The following SOX15 variants were observed in gnomAD, a reference collection of about 807,000 sequenced individuals.
SOX15 encodes the protein transcription factor SOX-15.
In SOX15, 12 loss-of-function variants were observed where a neutral mutation model predicts 15.9. That is an observed-to-expected ratio of 0.75 (90% confidence interval 0.48 to 1.22). The LOEUF is 1.22. SOX15 is among the 50% of genes most tolerant of loss of function. SOX15 has a pLI of 0.00. For synonymous variants in SOX15, 149 were observed against 142.8 expected (o/e 1.04, Z -0.31); for missense variants, 309 against 313.9 (o/e 0.98, Z 0.12).
Position 7,589,218 on chromosome 17 carries a change from C to T in SOX15, c.459G>A (p.Ala153=). ...CAAAGCCTCTGCTCGGTTGGGTGGT[C>T]GCGTACCCCGGCCCCCAGAGCGGGC... ...SGGPLWGPGY[A]TTQPSRGFGY... The change falls in exon 1 of 2, where the codon GCG becomes GCA. Residue 153 remains alanine, a synonymous_variant. Coordinates refer to ENST00000250055, the MANE Select transcript of SOX15 (RefSeq NM_006942.2). The T allele has an allele frequency of 5.2e-6, 8 of 1,541,526 alleles. No individual in the cohort carries two copies. Among genetic ancestry groups the T allele is most frequent in the Non-Finnish European group, 7.0e-6 (8 of 1,142,464 alleles).
At position 7,589,499 on chromosome 17, in the gene SOX15, T is replaced by C. The variant is rs1157864857; in HGVS notation, c.178A>G (p.Ser60Gly). The C allele has an allele frequency of 1.9e-6, 3 of 1,613,114 alleles. No individual in the cohort carries two copies. The highest frequency in any genetic ancestry group is 2.5e-6 in the Non-Finnish European group (3 of 1,179,750). Residue 60 changes from serine to glycine, a missense_variant, in exon 1 of 2, where the codon AGC (serine) becomes GGC (glycine). Ser to Gly is a moderately conservative substitution (Grantham distance 56). Transcript: ENST00000250055. The stretch of plus-strand genomic sequence containing the variant: ...GCCATCTGGCGGCGCTGAGCGGAGC[T>C]CCACACCATGAACGCGTTCATCGGC... ...KRPMNAFMVWSSAQRRQMAQQ... is the reference protein window; with the variant it reads ...KRPMNAFMVWGSAQRRQMAQQ...
At chr17:7,588,568 T>G in intron 1 of SOX15, 22 bp from the exon 2 acceptor site, 1 of 1,610,826 alleles carries the variant, frequency 6.2e-7, no homozygotes. Context: ...AACAAGAGGT[T>G]AGAGGGCACT....
In SOX15 at chr17:7,588,447, C is replaced by T; in HGVS notation, c.633G>A (p.Leu211=). 5 of 1,613,638 alleles carry T rather than the reference C, an allele frequency of 3.1e-6. No homozygotes were observed. Among genetic ancestry groups the T allele is most frequent in the Non-Finnish European group, 4.2e-6 (5 of 1,179,760 alleles). Residue 211 remains leucine (L), a synonymous_variant, in exon 2 of 2, where the codon CTG becomes CTA. Coordinates refer to ENST00000250055, the MANE Select transcript of SOX15 (RefSeq NM_006942.2). ...GELLPTYTHY[L]PPGSPTPYNP... Reference sequence around the variant, plus strand: ...TGTATGGAGTGGGAGAGCCAGGGGGCAGGTAGTGGGTATAGGTGGGCAGCA... The same window carrying T: ...TGTATGGAGTGGGAGAGCCAGGGGGTAGGTAGTGGGTATAGGTGGGCAGCA...
intron 1 of SOX15, 74 bp downstream of exon 1, chr17:7,589,070 G>C: frequency 1.5e-6 from 2 of 1,361,748 alleles, no homozygotes; most frequent in Non-Finnish European, 1.9e-6. Context: ...CCGTCCTCCG[G>C]CATCCGCCCC....
At position 7,589,144 on chromosome 17, in the gene SOX15, C is replaced by A; in HGVS notation, c.533G>T (p.Gly178Val). 1 of 1,485,354 alleles carries A rather than the reference C, an allele frequency of 6.7e-7. No homozygotes were observed. 92.0% of individuals were successfully genotyped at this position (1,485,354 alleles called of 1,614,324 possible). Residue 178 changes from glycine (G) to valine (V), a missense_variant and splice_region_variant, in exon 1 of 2, where the codon GGC becomes GTC. Physicochemically the swap from Gly to Val is moderately radical, Grantham distance 109 (BLOSUM62 -3). Transcript: ENST00000250055. Reference sequence around the variant, plus strand: ...TTCGGCCCGCTTCCCAGGCACTCACCCATAGCTGCCAGGCAGGTAGGCTGT... The same window carrying A: ...TTCGGCCCGCTTCCCAGGCACTCACACATAGCTGCCAGGCAGGTAGGCTGT... ...YSTAYLPGSY[G>V]SSHCKLEAPS...
Position 7,589,814 on chromosome 17 carries a change from C to G in SOX15, c.-138G>C, listed in dbSNP as rs1044594418. On this transcript the variant is annotated 5_prime_UTR_variant, in exon 1 of 2. Coordinates refer to ENST00000250055, the MANE Select transcript of SOX15 (RefSeq NM_006942.2). ...GTCCTTAAAAAGTGTATTTTATCCC[C>G]AAGCCCAGAGCTTAAACCGGAGCCT... The G allele has an allele frequency of 9.3e-6, 7 of 755,618 alleles. No individual in the cohort carries two copies. The highest frequency in any genetic ancestry group is 1.5e-5 in the Non-Finnish European group (7 of 481,224). The allele number at this position is 755,618 out of a possible 1,614,324, so 46.8% of individuals were successfully genotyped here.
chr17:7,588,558 A>C lies in SOX15; in HGVS notation c.534-12T>G, dbSNP rs201922212. The C allele has an allele frequency of 1.9e-6, 3 of 1,612,250 alleles. No homozygotes were observed. On this transcript the variant is annotated splice_polypyrimidine_tract_variant and intron_variant, in intron 1 of 1. Transcript: ENST00000250055. ...TGCAGTGGGAAGAGCTGCAGAGAGA[A>C]ACAAGAGGTTAGAGGGCACTTCCCT...
Position 7,589,330 on chromosome 17 carries a change from T to C in SOX15, c.347A>G (p.Tyr116Cys), listed in dbSNP as rs1200753752. The change falls in exon 1 of 2, where the codon TAC becomes TGC. Residue 116 changes from tyrosine (Y) to cysteine (C), a missense_variant. By Grantham distance (194) the Tyr-to-Cys change is radical (BLOSUM62 -2). Coordinates refer to ENST00000250055, the MANE Select transcript of SOX15 (RefSeq NM_006942.2). Reference sequence around the variant, plus strand: ...GGCCTTGCGCCGAGGCCGGTACTTGTAGTCGGGGTAGTCGCGCAGGTGTCG... The same window carrying C: ...GGCCTTGCGCCGAGGCCGGTACTTGCAGTCGGGGTAGTCGCGCAGGTGTCG... ...RARHLRDYPDYKYRPRRKAKS... is the reference protein window; with the variant it reads ...RARHLRDYPDCKYRPRRKAKS... 6.2e-7 allele frequency: 1 copy of C among 1,605,938 alleles called. No homozygotes were observed. Among genetic ancestry groups the C allele is most frequent in the Non-Finnish European group, 8.5e-7 (1 of 1,176,110 alleles).
chr17:7,588,311 G>T lies in SOX15; in HGVS notation c.*67C>A. 2 of 1,492,290 alleles carry T rather than the reference G, an allele frequency of 1.3e-6. No individual in the cohort carries two copies. Among genetic ancestry groups the T allele is most frequent in the Non-Finnish European group, 1.9e-6 (2 of 1,068,930 alleles). The allele number at this position is 1,492,290 out of a possible 1,614,324, so 92.4% of individuals were successfully genotyped here. ...CAGGAGAAAGGGTTGACAGCCTGGG[G>T]TAGGGGATGCTGCTGGATTAAAAAA... On this transcript the variant is annotated 3_prime_UTR_variant, in exon 2 of 2. Transcript: ENST00000250055.
In SOX15 at chr17:7,589,245, G is replaced by T; in HGVS notation, c.432C>A (p.Gly144=). ...CGQGRGNLAS[G]GPLWGPGYAT... The stretch of plus-strand genomic sequence containing the variant: ...CGTACCCCGGCCCCCAGAGCGGGCC[G>T]CCGCTGGCCAGGTTGCCTCTTCCCT... The change falls in exon 1 of 2, where the codon GGC becomes GGA. Residue 144 remains glycine (G), a synonymous_variant. Coordinates refer to ENST00000250055, the MANE Select transcript of SOX15 (RefSeq NM_006942.2). 1 of 1,548,626 alleles carries T rather than the reference G, an allele frequency of 6.5e-7. No homozygotes were observed.
intron 1 of SOX15, among the ~76,000 whole-genome samples, chr17:7,588,788 C>A (rs992801359): frequency 1.3e-5 from 2 of 152,140 alleles, no homozygotes; most frequent in African/African-American, 4.8e-5. Flanking sequence ...CAGGAAAGGG[C>A]AGAATGAGCT....
intron 1 of SOX15, 74 bp downstream of exon 1, chr17:7,589,070 G>A (rs117372143): frequency 0.07 from 95,269 of 1,361,180 alleles, 3,654 homozygotes; most frequent in South Asian, 0.11. Flanking sequence ...CCGTCCTCCG[G>A]CATCCGCCCC....
At chr17:7,588,999 G>A (rs2071628041) in intron 1 of SOX15, 145 bp downstream of exon 1, 1 of 695,504 alleles carries the variant, frequency 1.4e-6, no homozygotes. Context: ...ACAGGCCCCG[G>A]AGGTACTGGG....
At position 7,588,314 on chromosome 17, in the gene SOX15, G is replaced by A. The variant is rs1296189931; in HGVS notation, c.*64C>T. 6.6e-7 allele frequency: 1 copy of A among 1,511,324 alleles called. No individual in the cohort carries two copies. The allele number at this position is 1,511,324 out of a possible 1,614,324, so 93.6% of individuals were successfully genotyped here. A position where few individuals can be genotyped will look rare whatever the true frequency, so the allele number is the denominator to read the frequency against. On this transcript the variant is annotated 3_prime_UTR_variant, in exon 2 of 2. Transcript: ENST00000250055. ...GAGAAAGGGTTGACAGCCTGGGGTA[G>A]GGGATGCTGCTGGATTAAAAAAGGA... is the stretch of plus-strand genomic sequence containing the variant.
At position 7,589,573 on chromosome 17, in the gene SOX15, G is replaced by A. The variant is rs747573840; in HGVS notation, c.104C>T (p.Ala35Val). 4 of 1,583,960 alleles carry A rather than the reference G, an allele frequency of 2.5e-6. No homozygotes were observed. The highest frequency in any genetic ancestry group is 3.4e-6 in the Non-Finnish European group (4 of 1,167,418). Residue 35 changes from alanine to valine, a missense_variant, in exon 1 of 2, where the codon GCT (alanine) becomes GTT (valine). By Grantham distance (64) the Ala-to-Val change is moderately conservative. Coordinates refer to ENST00000250055, the MANE Select transcript of SOX15 (RefSeq NM_006942.2). ...CGTCCCGGGGGCCGCGGGGCTCCCA[G>A]CGCCCTCCCGCTCCTGGGGTCCCGA... ...SSSGPQEREGAGSPAAPGTLP... is the reference protein window; with the variant it reads ...SSSGPQEREGVGSPAAPGTLP...
intron 1 of SOX15, 154 bp downstream of exon 1, chr17:7,588,990 C>T: frequency 1.5e-6 from 1 of 669,588 alleles, no homozygotes; most frequent in Non-Finnish European, 2.5e-6. Context: ...CCACCCTACA[C>T]AGGCCCCGGA....
chr17:7,588,908 TCACCTGACCCTACAGGGCCCAC>T (rs1183649371), intron 1 of SOX15: 48 of 590,058 alleles, frequency 8.1e-5, no homozygotes, highest in Middle Eastern at 9.0e-4. Flanking sequence ...CAGGGGTCAG[TCACCTGACCCTACAGGGCCCAC>T]CACCTTCAGA....
chr17:7,588,699 A>C (rs535822215), intron 1 of SOX15, among the ~76,000 whole-genome samples, 153 bp from the exon 2 acceptor site: 96 of 152,258 alleles, frequency 6.3e-4, no homozygotes, highest in African/African-American at 2.3e-3. Flanking sequence ...CCCGGGATGG[A>C]GAGCCCGCGG....
intron 1 of SOX15, among the ~76,000 whole-genome samples, 168 bp from the exon 2 acceptor site, chr17:7,588,714 G>C (rs1028172459): frequency 6.6e-6 from 1 of 152,212 alleles, no homozygotes; most frequent in Non-Finnish European, 1.5e-5. Flanking sequence ...CCGCGGCCCT[G>C]TTGGGGCACG....
Sources: allele counts gnomAD v4.1 joint callset (sites outside exome capture counted in the v4.1 genomes callset), GRCh38; gene constraint gnomAD v4.1.1; transcripts MANE v1.5; gene names NCBI Gene and HGNC (gene_info 2026-07-23, HGNC 2026-07-21).